The following C6 variants were observed in gnomAD, a reference collection of about 807,000 sequenced individuals.
C6 encodes the protein complement component C6.
C6 carries 101 observed loss-of-function variants against 112.9 expected under a neutral mutation model. The observed-to-expected ratio is 0.89, with a 90% CI of 0.76 to 1.06. The LOEUF (loss-of-function observed/expected upper bound fraction) is 1.06. C6 is among the 50% of genes least tolerant of loss of function. The probability of loss-of-function intolerance (pLI) is 0.00; values close to 1 mark genes in which losing one functional copy is unlikely to be tolerated. For missense variants in C6, 1,202 were observed against 1,104.6 expected (o/e 1.09, Z -1.25); for synonymous variants, 431 against 384.1 (o/e 1.12, Z -1.43).
chr5:41,205,987 C>T (rs1751407702), intron 1 of C6, among the ~76,000 whole-genome samples: 1 of 152,194 alleles, frequency 6.6e-6, no homozygotes, highest in African/African-American at 2.4e-5. Context: ...CGACTGACAC[C>T]TCATACAGCT....
chr5:41,243,838 G>A (rs1044290987), intron 1 of C6, among the ~76,000 whole-genome samples: 2 of 152,038 alleles, frequency 1.3e-5, no homozygotes, highest in African/African-American at 2.4e-5. Flanking sequence ...TGGGGAGGTG[G>A]TAGAAAAATA....
At chr5:41,194,732 A>T (rs1386914610) in intron 5 of C6, among the ~76,000 whole-genome samples, 1 of 151,898 alleles carries the variant, frequency 6.6e-6, no homozygotes, top group African/African-American at 2.4e-5. Flanking sequence ...ATTTTTTCTT[A>T]TGTTTCAAAT....
chr5:41,172,142 G>A, intron 9 of C6, 83 bp downstream of exon 9: 4 of 1,377,672 alleles, frequency 2.9e-6, no homozygotes, highest in Non-Finnish European at 4.1e-6. Context: ...GCTAAAAATA[G>A]CACAGTCACA....
chr5:41,149,046 C>G (rs1746119829), intron 17 of C6, among the ~76,000 whole-genome samples, 195 bp downstream of exon 17: 1 of 152,126 alleles, frequency 6.6e-6, no homozygotes, highest in Non-Finnish European at 1.5e-5. Context: ...AGATATACAC[C>G]CACATTACTA....
At chr5:41,208,547 C>T (rs932028900) in intron 1 of C6, among the ~76,000 whole-genome samples, 8 of 151,992 alleles carry the variant, frequency 5.3e-5, no homozygotes, top group African/African-American at 1.7e-4. Context: ...ATATCACCAC[C>T]GATCCCACAG....
chr5:41,203,180 G>C lies in C6; in HGVS notation c.51C>G (p.Asn17Lys), dbSNP rs754145338. The change falls in exon 2 of 18, where the codon AAC (asparagine) becomes AAG (lysine). Residue 17 changes from asparagine to lysine, a missense_variant. Physicochemically the swap from Asn to Lys is moderately conservative, Grantham distance 94. Transcript: ENST00000337836. Reference sequence around the variant, plus strand: ...GATCACAGAAGCAGGCTTGGCCCTTGTTGATCAGAGCATTCAGCAGGATGA... The same window carrying C: ...GATCACAGAAGCAGGCTTGGCCCTTCTTGATCAGAGCATTCAGCAGGATGA... ...LYFILLNALI[N>K]KGQACFCDHY... 6.8e-6 allele frequency: 11 copies of C among 1,613,962 alleles called. No homozygotes were observed. The highest frequency in any genetic ancestry group is 8.5e-6 in the Non-Finnish European group (10 of 1,179,976).
At chr5:41,207,293 T>A (rs553645068) in intron 1 of C6, among the ~76,000 whole-genome samples, 1 of 152,252 alleles carries the variant, frequency 6.6e-6, no homozygotes, top group South Asian at 2.1e-4. Context: ...GTAAAGACCA[T>A]CAATGCTAGG....
intron 4 of C6, among the ~76,000 whole-genome samples, chr5:41,196,624 A>T (rs774857416): frequency 2.0e-5 from 3 of 151,310 alleles, no homozygotes; most frequent in Non-Finnish European, 4.4e-5. Flanking sequence ...ATATATAATT[A>T]GTACAGATTT....
chr5:41,239,085 C>T (rs1411501853), intron 1 of C6, among the ~76,000 whole-genome samples: 2 of 148,218 alleles, frequency 1.3e-5, no homozygotes, highest in African/African-American at 4.9e-5. Context: ...TCATCTGGCA[C>T]ATTTATAATT....
chr5:41,189,580 C>T (rs1181851542), intron 5 of C6, among the ~76,000 whole-genome samples: 1 of 151,776 alleles, frequency 6.6e-6, no homozygotes, highest in African/African-American at 2.4e-5. Flanking sequence ...GTAATAAAAT[C>T]AGGGTAATTA....
At chr5:41,156,170 G>C (rs899395173) in intron 13 of C6, among the ~76,000 whole-genome samples, 5 of 152,004 alleles carry the variant, frequency 3.3e-5, no homozygotes, top group South Asian at 2.1e-4. Context: ...ACAAAACCCT[G>C]CCATTCTTCG....
rs1229923240 is a variant in C6, at chr5:41,158,741, T to C, written c.1901A>G (p.Asp634Gly). Reference sequence around the variant, plus strand: ...GGAATCTGCTTCTATCTCAGGAAGATCGACCTCTTTCATTTCTTCGTCATC... The same window carrying C: ...GGAATCTGCTTCTATCTCAGGAAGACCGACCTCTTTCATTTCTTCGTCATC... ...INDDEEMKEV[D>G]LPEIEADSGC... Residue 634 changes from aspartate (D) to glycine (G), a missense_variant, in exon 13 of 18, where the codon GAT becomes GGT. By Grantham distance (94) the Asp-to-Gly change is moderately conservative. Coordinates refer to ENST00000337836, the MANE Select transcript of C6 (RefSeq NM_000065.5). The C allele has an allele frequency of 6.2e-7, 1 of 1,610,256 alleles. No homozygotes were observed. Among genetic ancestry groups the C allele is most frequent in the South Asian group, 1.1e-5 (1 of 91,014 alleles).
At chr5:41,205,451 C>T (rs971574158) in intron 1 of C6, among the ~76,000 whole-genome samples, 9 of 152,154 alleles carry the variant, frequency 5.9e-5, no homozygotes, top group African/African-American at 7.2e-5. Context: ...TGCAAGGGGT[C>T]GGGGAATTCC....
chr5:41,188,186 G>A (rs1029098979), intron 5 of C6, among the ~76,000 whole-genome samples: 1 of 152,222 alleles, frequency 6.6e-6, no homozygotes, highest in African/African-American at 2.4e-5. Flanking sequence ...AATTTGTGTT[G>A]TTGAGATAGC....
chr5:41,223,426 C>T (rs537603385), intron 1 of C6, among the ~76,000 whole-genome samples: 1 of 152,284 alleles, frequency 6.6e-6, no homozygotes, highest in Non-Finnish European at 1.5e-5. Flanking sequence ...AATCTCAGGT[C>T]CCAGGGTACC....
chr5:41,155,161 C>A (rs1038208317), intron 13 of C6, 57 bp from the exon 14 acceptor site: 1 of 1,506,478 alleles, frequency 6.6e-7, no homozygotes, highest in Admixed American at 1.7e-5. Flanking sequence ...TCTCTAAACT[C>A]TTTAGTCTCA....
intron 1 of C6, 45 bp from the exon 2 acceptor site, chr5:41,203,295 G>A: frequency 6.3e-7 from 1 of 1,585,510 alleles, no homozygotes; most frequent in Non-Finnish European, 8.6e-7. Context: ...CTTTTTTGAG[G>A]TAAACCTTCA....
At chr5:41,197,535 T>A (rs1750704134) in intron 4 of C6, among the ~76,000 whole-genome samples, 1 of 152,182 alleles carries the variant, frequency 6.6e-6, no homozygotes, top group Non-Finnish European at 1.5e-5. Flanking sequence ...ATTTTTGATA[T>A]GGTTACACTA....
intron 5 of C6, 84 bp downstream of exon 5, chr5:41,195,708 G>C: frequency 2.9e-6 from 4 of 1,379,456 alleles, no homozygotes; most frequent in Non-Finnish European, 4.1e-6. Flanking sequence ...TGAGGAAGAT[G>C]GACAATGATG....
Sources: gnomAD v4.1 joint callset for allele counts (sites outside exome capture counted in the v4.1 genomes callset) on GRCh38, gnomAD v4.1.1 for gene constraint, MANE v1.5 for transcripts, NCBI Gene and HGNC (gene_info 2026-07-23, HGNC 2026-07-21) for gene names.